The following LUC7L2 variants were observed in gnomAD, a reference collection of about 807,000 sequenced individuals.
The protein encoded by LUC7L2 is putative RNA-binding protein Luc7-like 2.
In LUC7L2, 25 loss-of-function variants were observed where a neutral mutation model predicts 52.8. The observed-to-expected ratio is 0.47, with a 90% CI of 0.34 to 0.66. The LOEUF (loss-of-function observed/expected upper bound fraction) is 0.66, where lower values mean the gene tolerates loss of function less well. Ranked by LOEUF, LUC7L2 falls within the 30% of genes least tolerant of loss-of-function variation. The probability of loss-of-function intolerance (pLI) is 0.01; values close to 1 mark genes in which losing one functional copy is unlikely to be tolerated. For synonymous variants in LUC7L2, 144 were observed against 160.9 expected (o/e 0.89, Z 0.80); for missense variants, 328 against 497.8 (o/e 0.66, Z 3.25).
intron 2 of LUC7L2, among the ~76,000 whole-genome samples, chr7:139,389,622 A>G (rs182672506): frequency 3.3e-5 from 5 of 152,342 alleles, no homozygotes; most frequent in East Asian, 3.9e-4. Context: ...AAATGGAAGC[A>G]TTAGAAGTAG....
chr7:139,401,610 G>T (rs1794920240), intron 3 of LUC7L2, among the ~76,000 whole-genome samples: 2 of 151,566 alleles, frequency 1.3e-5, no homozygotes, highest in Non-Finnish European at 2.9e-5. Context: ...GCACTACCAT[G>T]CCTGGCTAAT....
At chr7:139,356,314 CAAA>C (rs10524961), upstream of LUC7L2, among the ~76,000 whole-genome samples, 1 of 82,898 alleles carries the variant, frequency 1.2e-5, no homozygotes, top group Admixed American at 1.5e-4. Context: ...GACCCTATCT[CAAA>C]AAAAAAAAAA....
intron 9 of LUC7L2, among the ~76,000 whole-genome samples, chr7:139,419,500 T>C (rs1795789235): frequency 6.6e-6 from 1 of 152,240 alleles, no homozygotes; most frequent in African/African-American, 2.4e-5. Flanking sequence ...ATAAGCATTT[T>C]TTAAAAGTTA....
At chr7:139,373,613 A>C (rs1395886659) in intron 1 of LUC7L2, among the ~76,000 whole-genome samples, 1 of 151,716 alleles carries the variant, frequency 6.6e-6, no homozygotes, top group Non-Finnish European at 1.5e-5. Context: ...AAACACAAAA[A>C]AGCTCACCAG....
At position 139,409,615 on chromosome 7, in the gene LUC7L2, G is replaced by GAGA; in HGVS notation, c.744_746dup (p.Glu249dup). 1 of 1,611,592 alleles carries GAGA rather than the reference G, an allele frequency of 6.2e-7. No individual in the cohort carries two copies. On this transcript the variant is annotated inframe_insertion, in exon 7 of 10. Coordinates refer to ENST00000354926, the MANE Select transcript of LUC7L2 (RefSeq NM_016019.5). ...AGAAACCAGGAACGGCTGAAACGAA[G>GAGA]AGAAGAGAGAGAGAGAGAAGAAAGG...
chr7:139,383,828 G>C (rs1342270158), intron 2 of LUC7L2, among the ~76,000 whole-genome samples: 1 of 149,602 alleles, frequency 6.7e-6, no homozygotes, highest in Non-Finnish European at 1.5e-5. Context: ...CCGCCTCCTG[G>C]GTTCAGGTGA....
chr7:139,408,694 T>A (rs1489851938), intron 6 of LUC7L2, among the ~76,000 whole-genome samples: 1 of 151,880 alleles, frequency 6.6e-6, no homozygotes, highest in African/African-American at 2.4e-5. Context: ...ATATAAAAAT[T>A]AGCTGGGTGT....
intron 1 of LUC7L2, among the ~76,000 whole-genome samples, chr7:139,347,531 G>A (rs904515231): frequency 2.6e-5 from 4 of 151,608 alleles, no homozygotes; most frequent in African/African-American, 9.7e-5. Flanking sequence ...AGGTTGCAGT[G>A]AGCCGAGATT....
intron 7 of LUC7L2, 109 bp from the exon 8 acceptor site, chr7:139,412,442 A>G: frequency 3.7e-6 from 5 of 1,352,528 alleles, no homozygotes; most frequent in Non-Finnish European, 5.0e-6. Flanking sequence ...CACGCCTTGT[A>G]TTTATAAAAT....
chr7:139,394,342 C>A (rs1018355005), intron 2 of LUC7L2, among the ~76,000 whole-genome samples: 2 of 152,198 alleles, frequency 1.3e-5, no homozygotes, highest in Non-Finnish European at 2.9e-5. Context: ...GTTAATCTTA[C>A]CCCTCTCATG....
intron 1 of LUC7L2, 76 bp downstream of exon 1, chr7:139,360,398 T>C: frequency 7.1e-7 from 1 of 1,404,620 alleles, no homozygotes; most frequent in Non-Finnish European, 9.7e-7. Flanking sequence ...AGGGCGCACC[T>C]GGGCGCGCGC....
chr7:139,393,737 C>T (rs1386636754), intron 2 of LUC7L2, among the ~76,000 whole-genome samples: 2 of 152,172 alleles, frequency 1.3e-5, no homozygotes, highest in African/African-American at 4.8e-5. Flanking sequence ...TGAGCCACCA[C>T]ACCTGACCAT....
At position 139,350,834 on chromosome 7, in the gene LUC7L2, G is replaced by A. The variant is rs550113142; in HGVS notation, c.-26+10317G>A. ...GGGATTAACAGGCGCCCGCCACAAC[G>A]CCTGGCTAATTTTGTATTTTTAGTA... is the stretch of plus-strand genomic sequence containing the variant. On this transcript the variant is annotated intron_variant, in intron 1 of 10. Coordinates refer to the LUC7L2 transcript ENST00000541170. 5.3e-5 allele frequency among the ~76,000 whole-genome samples: 8 copies of A among 151,890 alleles called. No homozygotes were observed. In the East Asian group the frequency reaches 1.2e-3, roughly 22 times the overall value.
intron 2 of LUC7L2, among the ~76,000 whole-genome samples, chr7:139,394,368 A>G (rs1254577387): frequency 6.6e-6 from 1 of 152,180 alleles, no homozygotes; most frequent in Admixed American, 6.5e-5. Flanking sequence ...TCCCCATGGC[A>G]TGCCTTCCCC....
rs934726876 is a variant in LUC7L2 at position 139,422,811 on chromosome 7, T to C, written c.*471T>C. On this transcript the variant is annotated 3_prime_UTR_variant, in exon 10 of 10. Transcript: ENST00000354926. ...CAATATAGCTTCCATTCTAAGGCTG[T>C]ATTCCCGTTATGAATTACTAGCTGA... 1 of 399,474 alleles carries C rather than the reference T, an allele frequency of 2.5e-6. No individual in the cohort carries two copies. The allele number at this position is 399,474 out of a possible 1,614,324, so 24.7% of individuals were successfully genotyped here.
At chr7:139,366,596 A>G (rs1301773170) in intron 1 of LUC7L2, among the ~76,000 whole-genome samples, 1 of 152,250 alleles carries the variant, frequency 6.6e-6, no homozygotes, top group African/African-American at 2.4e-5. Flanking sequence ...ATGCCGATTC[A>G]TATACATGAT....
intron 2 of LUC7L2, among the ~76,000 whole-genome samples, chr7:139,385,640 TAAAG>T (rs1226811683): frequency 6.6e-6 from 1 of 152,148 alleles, no homozygotes; most frequent in Non-Finnish European, 1.5e-5. Context: ...CTCTTGAAAT[TAAAG>T]AAAGTAGTAA....
At chr7:139,343,128 A>G (rs868045436) in intron 1 of LUC7L2, among the ~76,000 whole-genome samples, 6 of 152,172 alleles carry the variant, frequency 3.9e-5, no homozygotes, top group Admixed American at 1.3e-4. Context: ...TTCAGGCTCA[A>G]CCGAATCAAG....
At chr7:139,422,098 C>A in intron 9 of LUC7L2, 65 bp from the exon 10 acceptor site, 1 of 1,529,588 alleles carries the variant, frequency 6.5e-7, no homozygotes. Flanking sequence ...AATATTTATC[C>A]TATTCTTTAA....
Sources: allele counts gnomAD v4.1 joint callset (sites outside exome capture counted in the v4.1 genomes callset), GRCh38; gene constraint gnomAD v4.1.1; transcripts MANE v1.5; gene names NCBI Gene and HGNC (gene_info 2026-07-23, HGNC 2026-07-21).